Variants in GAS6 observed in about 807,000 individuals in gnomAD.
GAS6 encodes growth arrest-specific protein 6.
Under a neutral mutation model 75.8 loss-of-function variants are expected in GAS6, and 41 were observed. The observed-to-expected ratio is 0.54, with a 90% CI of 0.42 to 0.70. GAS6 has a LOEUF of 0.70. Ranked by LOEUF, GAS6 falls within the 30% of genes least tolerant of loss-of-function variation. GAS6 has a pLI of 0.00. For synonymous variants in GAS6, 432 were observed against 412.6 expected (o/e 1.05, Z -0.57); for missense variants, 854 against 940.2 (o/e 0.91, Z 1.20).
At chr13:113,826,089 T>C (rs562294045) in intron 12 of GAS6, among the ~76,000 whole-genome samples, 8 of 152,228 alleles carry the variant, frequency 5.3e-5, no homozygotes, top group South Asian at 2.1e-4. Flanking sequence ...AGTAACACTA[T>C]CCTCACAGCA....
At chr13:113,836,840 G>GGAAGAT (rs2051720925) in intron 6 of GAS6, among the ~76,000 whole-genome samples, 2 of 122,050 alleles carry the variant, frequency 1.6e-5, no homozygotes, top group African/African-American at 6.2e-5. Context: ...GGGAGGAGGA[G>GGAAGAT]GGGGAGTGGG....
intron 8 of GAS6, chr13:113,833,350 CTGGAAG>C: frequency 1.0e-6 from 1 of 998,278 alleles, no homozygotes; most frequent in Non-Finnish European, 1.2e-6. Flanking sequence ...CGAGGGCTGG[CTGGAAG>C]CCCTGAACGT....
At chr13:113,847,005 C>T (rs1163188264) in intron 3 of GAS6, 1 of 506,636 alleles carries the variant, frequency 2.0e-6, no homozygotes, top group Non-Finnish European at 3.9e-6. Context: ...CCTCCATGCT[C>T]TCTGGCTGGC....
intron 14 of GAS6, 167 bp from the exon 15 acceptor site, chr13:113,821,185 C>T (rs965186656): frequency 3.7e-5 from 26 of 700,696 alleles, no homozygotes; most frequent in South Asian, 5.5e-5. Flanking sequence ...GCCGCAGACC[C>T]GGCAGACAAG....
chr13:113,835,977 T>C (rs2051698376), intron 6 of GAS6: 1 of 1,073,658 alleles, frequency 9.3e-7, no homozygotes, highest in Non-Finnish European at 1.1e-6. Context: ...CCGTAAAAAG[T>C]AACCCCCCGG....
chr13:113,859,331 T>C (rs1466645803), intron 2 of GAS6, among the ~76,000 whole-genome samples: 10 of 143,150 alleles, frequency 7.0e-5, no homozygotes, highest in Admixed American at 4.2e-4. Context: ...TGTGTGCATG[T>C]CATTATGCAT....
At chr13:113,832,833 C>T (rs537974109) in intron 8 of GAS6, 81 bp from the exon 9 acceptor site, 56 of 1,600,046 alleles carry the variant, frequency 3.5e-5, no homozygotes, top group African/African-American at 9.3e-5. Flanking sequence ...GGCCGCGCAG[C>T]GGGTCCACTG....
intron 12 of GAS6, 60 bp downstream of exon 12, chr13:113,826,936 A>G: frequency 8.1e-7 from 1 of 1,228,738 alleles, no homozygotes; most frequent in Non-Finnish European, 1.1e-6. Flanking sequence ...GCTTGCTTTC[A>G]GCGTATGCCT....
At position 113,820,702 on chromosome 13, in the gene GAS6, A is replaced by G. The variant is rs1031841484; in HGVS notation, c.*162T>C. On this transcript the variant is annotated 3_prime_UTR_variant, in exon 15 of 15. Transcript: ENST00000327773. ...GGCCCACGGCTGAGTGCGCGGCGTC[A>G]GAGGCCCCAAGTCCATCTCACTATT... 82 of 843,984 alleles carry G rather than the reference A, an allele frequency of 9.7e-5. No individual in the cohort carries two copies. In the African/African-American group the frequency reaches 1.2e-3, roughly 12 times the overall value. 52.3% of individuals were successfully genotyped at this position (843,984 alleles called of 1,614,324 possible).
Position 113,820,796 on chromosome 13 carries a change from A to G in GAS6, c.*68T>C. ...GCTCTCAGCATGGCCCCACGTGGTGAGGAGCCCCCAGGCTCCTCCCGGCTG... is the reference window on the plus strand; with the variant it reads ...GCTCTCAGCATGGCCCCACGTGGTGGGGAGCCCCCAGGCTCCTCCCGGCTG... On this transcript the variant is annotated 3_prime_UTR_variant, in exon 15 of 15. Coordinates refer to ENST00000327773, the MANE Select transcript of GAS6 (RefSeq NM_000820.4). The G allele has an allele frequency of 6.6e-7, 1 of 1,512,290 alleles. No homozygotes were observed. Among genetic ancestry groups the G allele is most frequent in the South Asian group, 1.2e-5 (1 of 86,582 alleles). The allele number at this position is 1,512,290 out of a possible 1,614,324, so 93.7% of individuals were successfully genotyped here.
chr13:113,822,139 G>C lies in GAS6; in HGVS notation c.1701C>G (p.Ile567Met), dbSNP rs143209378. Residue 567 changes from isoleucine to methionine, a missense_variant, in exon 14 of 15, where the codon ATC becomes ATG. Transcript: ENST00000327773. Reference sequence around the variant, plus strand: ...CGTGCTCTTGGCCGTCGCAGACCTTGATCTCCATTAGGGCCAAGGCCGTAT... The same window carrying C: ...CGTGCTCTTGGCCGTCGCAGACCTTCATCTCCATTAGGGCCAAGGCCGTAT... ...VEHTALALMEIKVCDGQEHVV... is the reference protein window; with the variant it reads ...VEHTALALMEMKVCDGQEHVV... 1.3e-6 allele frequency: 2 copies of C among 1,599,296 alleles called. No individual in the cohort carries two copies. The highest frequency in any genetic ancestry group is 1.7e-6 in the Non-Finnish European group (2 of 1,174,522).
intron 2 of GAS6, among the ~76,000 whole-genome samples, chr13:113,858,676 T>C (rs920768821): frequency 2.8e-5 from 4 of 141,600 alleles, no homozygotes; most frequent in African/African-American, 8.0e-5. Context: ...TGTGTGCCTA[T>C]GTATGCATGT....
At chr13:113,832,866 G>A in intron 8 of GAS6, 114 bp from the exon 9 acceptor site, 1 of 1,549,642 alleles carries the variant, frequency 6.5e-7, no homozygotes, top group Non-Finnish European at 8.7e-7. Flanking sequence ...CTCGGGAGTG[G>A]CCACCCCGCC....
At chr13:113,859,360 C>G (rs949454690) in intron 2 of GAS6, among the ~76,000 whole-genome samples, 3 of 138,968 alleles carry the variant, frequency 2.2e-5, no homozygotes, top group Admixed American at 7.2e-5. Context: ...GTCTGTGTGA[C>G]TGTATGTCTA....
At chr13:113,857,553 C>G (rs564943138) in intron 2 of GAS6, among the ~76,000 whole-genome samples, 16 of 152,124 alleles carry the variant, frequency 1.1e-4, no homozygotes, top group Non-Finnish European at 1.5e-4. Context: ...CCTTAGAAAA[C>G]AGGGGAAAAT....
chr13:113,832,715 C>T lies in GAS6; in HGVS notation c.872G>A (p.Ser291Asn). The change falls in exon 9 of 15, where the codon AGT becomes AAT. Residue 291 changes from serine to asparagine, a missense_variant. Transcript: ENST00000327773. The stretch of plus-strand genomic sequence containing the variant: ...CCGGCCCAGGTACAAGGACTTCACA[C>T]TCTTGGCCACGCTGAAGGGCACGCA... Reference protein sequence around the residue: ...LPCVPFSVAKSVKSLYLGRMF... With the variant: ...LPCVPFSVAKNVKSLYLGRMF... 6.2e-7 allele frequency: 1 copy of T among 1,612,760 alleles called. No individual in the cohort carries two copies. The highest frequency in any genetic ancestry group is 8.5e-7 in the Non-Finnish European group (1 of 1,179,964).
chr13:113,860,408 C>T (rs555469384), intron 2 of GAS6, among the ~76,000 whole-genome samples: 1 of 152,314 alleles, frequency 6.6e-6, no homozygotes, highest in South Asian at 2.1e-4. Flanking sequence ...CCCAGGCAGG[C>T]ACCGGAGGAC....
chr13:113,821,731 T>C, intron 14 of GAS6: 1 of 539,974 alleles, frequency 1.9e-6, no homozygotes, highest in Admixed American at 3.5e-5. Flanking sequence ...CTCAGGCCAA[T>C]GCCGGCCCCC....
chr13:113,860,091 C>T (rs541205517), intron 2 of GAS6, among the ~76,000 whole-genome samples: 43 of 152,304 alleles, frequency 2.8e-4, no homozygotes, highest in Non-Finnish European at 5.6e-4. Flanking sequence ...ACATCCCATG[C>T]GGAGAATTCC....
Sources: allele counts gnomAD v4.1 joint callset (sites outside exome capture counted in the v4.1 genomes callset), GRCh38; gene constraint gnomAD v4.1.1; transcripts MANE v1.5; gene names NCBI Gene and HGNC (gene_info 2026-07-23, HGNC 2026-07-21).